KIAA1549L: variants seen among roughly 807,000 people sequenced by gnomAD.
KIAA1549L encodes the protein UPF0606 protein KIAA1549L.
Under a neutral mutation model 160.7 loss-of-function variants are expected in KIAA1549L, and 88 were observed. The ratio of observed to expected loss-of-function variants is 0.55; its 90% CI spans 0.46 to 0.65. KIAA1549L has a LOEUF of 0.65. KIAA1549L is among the 30% of genes least tolerant of loss of function. The pLI is 0.00. For synonymous variants in KIAA1549L, 950 were observed against 976.7 expected (o/e 0.97, Z 0.51); for missense variants, 2,258 against 2,437.5 (o/e 0.93, Z 1.55).
chr11:33,389,691 C>A (rs1850236729), intron 1 of KIAA1549L, among the ~76,000 whole-genome samples: 1 of 152,200 alleles, frequency 6.6e-6, no homozygotes, highest in Non-Finnish European at 1.5e-5. Flanking sequence ...AAGTGTTTTC[C>A]ATTCTTGTGA....
At chr11:33,520,277 C>T (rs2133123641) in intron 1 of KIAA1549L, among the ~76,000 whole-genome samples, 1 of 152,206 alleles carries the variant, frequency 6.6e-6, no homozygotes, top group South Asian at 2.1e-4. Flanking sequence ...CTTTGACCAA[C>T]ACTTCCCCAT....
intron 17 of KIAA1549L, among the ~76,000 whole-genome samples, chr11:33,654,296 T>G (rs1453103983): frequency 6.6e-6 from 1 of 152,154 alleles, no homozygotes. Context: ...TTAAAAACAT[T>G]TTTTACGTTG....
chr11:33,479,387 G>A (rs1196300151), intron 1 of KIAA1549L, among the ~76,000 whole-genome samples: 1 of 152,212 alleles, frequency 6.6e-6, no homozygotes, highest in Non-Finnish European at 1.5e-5. Flanking sequence ...ATGGTTTGTC[G>A]AGGGAGGGAA....
chr11:33,538,648 A>G (rs144377909), intron 1 of KIAA1549L, among the ~76,000 whole-genome samples: 92 of 152,336 alleles, frequency 6.0e-4, no homozygotes, highest in African/African-American at 2.1e-3. Context: ...GAATCCAGAG[A>G]GATACCAGGG....
chr11:33,516,479 T>A (rs1435925289), intron 1 of KIAA1549L, among the ~76,000 whole-genome samples: 4 of 152,210 alleles, frequency 2.6e-5, no homozygotes, highest in African/African-American at 9.7e-5. Context: ...TGTGATCAGC[T>A]ATATCTGAGC....
chr11:33,553,251 C>T (rs1471257396), intron 6 of KIAA1549L, among the ~76,000 whole-genome samples: 3 of 151,858 alleles, frequency 2.0e-5, no homozygotes, highest in East Asian at 1.9e-4. Context: ...TCTCCCTTCG[C>T]GGCCTCCCGA....
chr11:33,597,598 A>G (rs1850235282), intron 12 of KIAA1549L, among the ~76,000 whole-genome samples: 1 of 152,160 alleles, frequency 6.6e-6, no homozygotes, highest in Admixed American at 6.5e-5. Context: ...CACAGTGGGG[A>G]GGCAGTCAGT....
chr11:33,431,783 C>T (rs924633782), intron 1 of KIAA1549L, among the ~76,000 whole-genome samples: 3 of 152,224 alleles, frequency 2.0e-5, no homozygotes, highest in Non-Finnish European at 4.4e-5. Flanking sequence ...GACTGGGCGC[C>T]GTGGAGCAGG....
At chr11:33,528,109 A>C (rs1173872234) in intron 1 of KIAA1549L, among the ~76,000 whole-genome samples, 1 of 152,228 alleles carries the variant, frequency 6.6e-6, no homozygotes, top group East Asian at 1.9e-4. Flanking sequence ...CTCCCCAGCC[A>C]TGTGGAACTG....
Position 33,668,219 on chromosome 11 carries a change from C to T in KIAA1549L, c.*65C>T. ...GGACTCAGCCTTTGGGTTTCCCATG[C>T]CTACGTGTTAGGACTTGAGACATAG... On this transcript the variant is annotated 3_prime_UTR_variant, in exon 21 of 21. Transcript: ENST00000658780. 3 of 1,482,480 alleles carry T rather than the reference C, an allele frequency of 2.0e-6. No individual in the cohort carries two copies. Among genetic ancestry groups the T allele is most frequent in the African/African-American group, 1.4e-5 (1 of 72,108 alleles). 91.8% of individuals were successfully genotyped at this position (1,482,480 alleles called of 1,614,324 possible).
intron 20 of KIAA1549L, among the ~76,000 whole-genome samples, chr11:33,665,868 G>C (rs1051194004): frequency 1.3e-5 from 2 of 152,202 alleles, no homozygotes; most frequent in Non-Finnish European, 2.9e-5. Context: ...AGCAGGGAGG[G>C]GGGCACCTTC....
chr11:33,581,103 T>C (rs183420060), intron 10 of KIAA1549L, among the ~76,000 whole-genome samples: 1 of 152,180 alleles, frequency 6.6e-6, no homozygotes, highest in Non-Finnish European at 1.5e-5. Context: ...AGAGCGGCCA[T>C]GGTCACTAGG....
chr11:33,456,860 C>A (rs949438550), intron 1 of KIAA1549L, among the ~76,000 whole-genome samples: 3 of 152,238 alleles, frequency 2.0e-5, no homozygotes, highest in Admixed American at 6.5e-5. Context: ...CCAATCTAAA[C>A]CTTCTCCCCA....
chr11:33,488,935 C>G (rs1373243189), intron 1 of KIAA1549L, among the ~76,000 whole-genome samples: 1 of 152,208 alleles, frequency 6.6e-6, no homozygotes, highest in Non-Finnish European at 1.5e-5. Context: ...TATTCTCTCT[C>G]TAGATATTTG....
intron 1 of KIAA1549L, among the ~76,000 whole-genome samples, chr11:33,490,919 C>T (rs573388372): frequency 6.6e-6 from 1 of 152,202 alleles, no homozygotes; most frequent in Non-Finnish European, 1.5e-5. Flanking sequence ...GGTCCATCAG[C>T]CACACTTTGC....
rs141616544 is a variant in KIAA1549L, at chr11:33,605,187, TTTG to T, written c.4880-1451_4880-1449del. Reference sequence around the variant, plus strand: ...TTTGTTTTGTTTTGTTTTGTTTTGTTTTGTTTTTTTACAACTAAGCCTTGGAAG... The same window carrying T: ...TTTGTTTTGTTTTGTTTTGTTTTGTTTTTTTTTACAACTAAGCCTTGGAAG... On this transcript the variant is annotated intron_variant, in intron 13 of 20. Coordinates refer to ENST00000658780, the MANE Select transcript of KIAA1549L (RefSeq NM_012194.3). 6.4e-3 allele frequency among the ~76,000 whole-genome samples: 947 copies of T among 148,830 alleles called. 14 individuals are homozygous for T. The highest frequency in any genetic ancestry group is 0.023 in the African/African-American group (895 of 38,364).
intron 12 of KIAA1549L, among the ~76,000 whole-genome samples, chr11:33,596,507 C>G (rs1590380920): frequency 1.3e-5 from 2 of 152,168 alleles, no homozygotes; most frequent in Non-Finnish European, 2.9e-5. Context: ...GAGGCCGAGG[C>G]AAATGCATCA....
chr11:33,488,616 A>C (rs1320793324), intron 1 of KIAA1549L, among the ~76,000 whole-genome samples: 4 of 152,218 alleles, frequency 2.6e-5, no homozygotes, highest in Non-Finnish European at 5.9e-5. Flanking sequence ...GTGGGTATGG[A>C]AATTGAGGCA....
Position 33,669,033 on chromosome 11 carries a change from C to T in KIAA1549L, c.*879C>T, listed in dbSNP as rs1852584429. ...CTTTTTCTTGGGATAATAGATACATCAACTTTTACAAGAAAATCTCTGTCT... is the reference window on the plus strand; with the variant it reads ...CTTTTTCTTGGGATAATAGATACATTAACTTTTACAAGAAAATCTCTGTCT... On this transcript the variant is annotated 3_prime_UTR_variant, in exon 21 of 21. Coordinates refer to ENST00000658780, the MANE Select transcript of KIAA1549L (RefSeq NM_012194.3). The T allele has an allele frequency of 6.6e-6, 1 of 152,124 alleles. No homozygotes were observed. Among genetic ancestry groups the T allele is most frequent in the South Asian group, 2.1e-4 (1 of 4,826 alleles). The allele number at this position is 152,124 out of a possible 1,614,324, so 9.4% of individuals were successfully genotyped here. A position where few individuals can be genotyped will look rare whatever the true frequency, so the allele number is the denominator to read the frequency against.
Sources: allele counts gnomAD v4.1 joint callset (sites outside exome capture counted in the v4.1 genomes callset), GRCh38; gene constraint gnomAD v4.1.1; transcripts MANE v1.5; gene names NCBI Gene and HGNC (gene_info 2026-07-23, HGNC 2026-07-21).